SNX29: variants seen among roughly 807,000 people sequenced by gnomAD.
SNX29 encodes sorting nexin 29, also known as sorting nexin-29.
SNX29 carries 78 observed loss-of-function variants against 102.1 expected under a neutral mutation model. That is an observed-to-expected ratio of 0.76 (90% CI 0.64 to 0.92). The LOEUF (loss-of-function observed/expected upper bound fraction) is 0.92. Ranked by LOEUF, SNX29 falls within the 40% of genes least tolerant of loss-of-function variation. SNX29 has a pLI of 0.00. For synonymous variants in SNX29, 580 were observed against 414.5 expected (o/e 1.40, Z -4.85); for missense variants, 1,280 against 1,061.7 (o/e 1.21, Z -2.86).
chr16:12,182,977 A>G (rs989073924), intron 13 of SNX29, among the ~76,000 whole-genome samples: 35 of 151,230 alleles, frequency 2.3e-4, no homozygotes, highest in African/African-American at 8.5e-4. Context: ...GAGCTTTGCA[A>G]TATGGATTTA....
chr16:12,481,877 C>G (rs966243047), intron 19 of SNX29, among the ~76,000 whole-genome samples: 1 of 152,176 alleles, frequency 6.6e-6, no homozygotes, highest in Admixed American at 6.5e-5. Context: ...CTTTCTTTTT[C>G]TGTGCATTTG....
chr16:12,512,418 A>ATATATATATAT (rs1555559124), intron 19 of SNX29, among the ~76,000 whole-genome samples: 6 of 61,004 alleles, frequency 9.8e-5, no homozygotes, highest in African/African-American at 2.2e-4. Context: ...ATATATATAT[A>ATATATATATAT]GTTTTCGGTT....
At position 12,570,075 on chromosome 16, in the gene SNX29, G is replaced by C. The variant is rs1183376220; in HGVS notation, c.*1446G>C. ...GACATCTCTGGAGAATCATCTGGAAGGTTTATACTGTGCCTTCCCCTCGTA... is the reference window on the plus strand; with the variant it reads ...GACATCTCTGGAGAATCATCTGGAACGTTTATACTGTGCCTTCCCCTCGTA... On this transcript the variant is annotated 3_prime_UTR_variant, in exon 21 of 21. Coordinates refer to ENST00000566228, the MANE Select transcript of SNX29 (RefSeq NM_032167.5). The C allele has an allele frequency of 1.4e-6, 1 of 721,370 alleles. No homozygotes were observed. Among genetic ancestry groups the C allele is most frequent in the Admixed American group, 5.5e-5 (1 of 18,256 alleles). The allele number at this position is 721,370 out of a possible 1,614,324, so 44.7% of individuals were successfully genotyped here.
intron 14 of SNX29, among the ~76,000 whole-genome samples, chr16:12,243,864 C>T (rs951025089): frequency 2.6e-5 from 4 of 152,178 alleles, no homozygotes; most frequent in Non-Finnish European, 5.9e-5. Flanking sequence ...ACTGTTAAAA[C>T]TTTGTATCTT....
Position 12,245,586 on chromosome 16 carries a change from A to G in SNX29, c.1679-32347A>G, listed in dbSNP as rs571371403. On this transcript the variant is annotated intron_variant, in intron 14 of 20. Coordinates refer to ENST00000566228, the MANE Select transcript of SNX29 (RefSeq NM_032167.5). Reference sequence around the variant, plus strand: ...AAATTAGAGTGATTGTAGTTTATTTATTTATTTTTTCCTTTTTGACCAAAC... The same window carrying G: ...AAATTAGAGTGATTGTAGTTTATTTGTTTATTTTTTCCTTTTTGACCAAAC... Among the ~76,000 whole-genome samples, 22 of 151,672 alleles carry G rather than the reference A, an allele frequency of 1.5e-4. No individual in the cohort carries two copies. The Middle Eastern group carries it at 0.014, about 94-fold the overall frequency.
intron 13 of SNX29, among the ~76,000 whole-genome samples, chr16:12,179,870 G>GTTGGTGGTAGTCTAATTT (rs146984786): frequency 1.3e-5 from 2 of 152,188 alleles, no homozygotes; most frequent in Admixed American, 1.3e-4. Flanking sequence ...TGCTGTCAAA[G>GTTGGTGGTAGTCTAATTT]TCTTCTCCTT....
chr16:12,449,234 A>T (rs1486603195), intron 18 of SNX29, among the ~76,000 whole-genome samples: 1 of 151,972 alleles, frequency 6.6e-6, no homozygotes, highest in Non-Finnish European at 1.5e-5. Context: ...GGTAGAATTG[A>T]GGAGAGGAGA....
At chr16:12,380,812 C>T (rs1467843336) in intron 16 of SNX29, among the ~76,000 whole-genome samples, 1 of 119,872 alleles carries the variant, frequency 8.3e-6, no homozygotes, top group African/African-American at 3.1e-5. Flanking sequence ...ATCCATCCAT[C>T]CACCCGCCAT....
rs535690683 is a variant in SNX29 at position 12,005,886 on chromosome 16, A to T, written c.122+2843A>T. Among the ~76,000 whole-genome samples the T allele has an allele frequency of 5.3e-5, 8 of 152,348 alleles. No homozygotes were observed. The South Asian group carries it at 1.4e-3, about 28-fold the overall frequency. Reference sequence around the variant, plus strand: ...AAATCTGAAATCCGAAACATTTCTGATCCTAAGCATTTTGGATAAGGAATA... The same window carrying T: ...AAATCTGAAATCCGAAACATTTCTGTTCCTAAGCATTTTGGATAAGGAATA... On this transcript the variant is annotated intron_variant, in intron 3 of 20. Transcript: ENST00000566228.
intron 15 of SNX29, among the ~76,000 whole-genome samples, chr16:12,279,292 T>G (rs370794213): frequency 2.3e-4 from 35 of 152,246 alleles, no homozygotes; most frequent in African/African-American, 8.0e-4. Context: ...CTAAGTTCAT[T>G]GCTGGTGCAG....
At chr16:12,323,539 A>G (rs2081028023) in intron 15 of SNX29, among the ~76,000 whole-genome samples, 1 of 152,076 alleles carries the variant, frequency 6.6e-6, no homozygotes, top group Admixed American at 6.6e-5. Context: ...AAAATGGTGA[A>G]CAAAGGTTAG....
At chr16:12,143,362 T>C (rs1458347194) in intron 13 of SNX29, among the ~76,000 whole-genome samples, 1 of 152,180 alleles carries the variant, frequency 6.6e-6, no homozygotes, top group African/African-American at 2.4e-5. Flanking sequence ...GTGGGGCTAC[T>C]CTGAGCAGGA....
intron 8 of SNX29, among the ~76,000 whole-genome samples, chr16:12,058,563 A>G (rs1273944138): frequency 7.4e-6 from 1 of 135,280 alleles, no homozygotes; most frequent in African/African-American, 2.9e-5. Context: ...GCGGGATCTC[A>G]GCTCACTGCA....
chr16:12,172,079 C>G (rs1213687780), intron 13 of SNX29, among the ~76,000 whole-genome samples: 1 of 152,192 alleles, frequency 6.6e-6, no homozygotes, highest in Non-Finnish European at 1.5e-5. Context: ...AGTCTTTATT[C>G]TGGAAGTGTT....
chr16:12,018,986 C>A (rs1051204086), intron 3 of SNX29, among the ~76,000 whole-genome samples: 1 of 151,820 alleles, frequency 6.6e-6, no homozygotes, highest in Non-Finnish European at 1.5e-5. Context: ...ATATTACAAT[C>A]TAACCTTTTA....
intron 15 of SNX29, among the ~76,000 whole-genome samples, chr16:12,333,280 G>A (rs891266059): frequency 6.6e-6 from 1 of 151,688 alleles, no homozygotes; most frequent in Middle Eastern, 3.4e-3. Context: ...TAATTTTTGT[G>A]TATTTTAGTA....
rs1443051977 is a variant in SNX29, at chr16:12,574,128, C to T, written c.*5499C>T. On this transcript the variant is annotated 3_prime_UTR_variant, in exon 21 of 21. Transcript: ENST00000566228. ...AACTACCCTCTTATGTTAAGGTTTA[C>T]ATAATAGGATTTTTAAACAAATGTG... 1.1e-5 allele frequency: 2 copies of T among 184,092 alleles called. No individual in the cohort carries two copies. The highest frequency in any genetic ancestry group is 2.3e-5 in the Non-Finnish European group (2 of 86,770). 11.4% of individuals were successfully genotyped at this position (184,092 alleles called of 1,614,324 possible).
At chr16:12,060,666 C>A in intron 8 of SNX29, 1 of 412,112 alleles carries the variant, frequency 2.4e-6, no homozygotes, top group Non-Finnish European at 4.8e-6. Flanking sequence ...ACGGTTGATA[C>A]AGATGTAATG....
chr16:12,510,974 C>A (rs2089592418), intron 19 of SNX29, among the ~76,000 whole-genome samples: 1 of 151,860 alleles, frequency 6.6e-6, no homozygotes, highest in African/African-American at 2.4e-5. Context: ...AAAAGCACTC[C>A]CCCACAGAGT....
Sources: allele counts gnomAD v4.1 joint callset (sites outside exome capture counted in the v4.1 genomes callset), GRCh38; gene constraint gnomAD v4.1.1; transcripts MANE v1.5; gene names NCBI Gene and HGNC (gene_info 2026-07-23, HGNC 2026-07-21).